Variants in FGFR2 observed in about 807,000 individuals in gnomAD.
FGFR2 encodes fibroblast growth factor receptor 2.
A neutral mutation model predicts 95.9 loss-of-function variants in FGFR2; 19 were observed. That is an observed-to-expected ratio of 0.20 (90% CI 0.14 to 0.29). FGFR2 has a LOEUF of 0.29. Ranked by LOEUF, FGFR2 falls within the 10% of genes least tolerant of loss-of-function variation. FGFR2 has a pLI of 1.00. For synonymous variants in FGFR2, 392 were observed against 393.3 expected (o/e 1.00, Z 0.04); for missense variants, 707 against 1,056.9 (o/e 0.67, Z 4.59).
intron 4 of FGFR2, among the ~76,000 whole-genome samples, chr10:121,560,250 C>T (rs1475164127): frequency 2.0e-5 from 3 of 152,126 alleles, no homozygotes; most frequent in African/African-American, 4.8e-5. Flanking sequence ...AACCAGCAGC[C>T]AGCACAGAGC....
chr10:121,543,884 C>T (rs1474215569), intron 5 of FGFR2, among the ~76,000 whole-genome samples: 2 of 152,166 alleles, frequency 1.3e-5, no homozygotes, highest in East Asian at 1.9e-4. Flanking sequence ...CTTAGAGGCC[C>T]GTTGCTTGTC....
chr10:121,480,293 T>C, intron 17 of FGFR2: 1 of 509,552 alleles, frequency 2.0e-6, no homozygotes, highest in Non-Finnish European at 3.6e-6. Context: ...GCTTTTCTCT[T>C]GGAATCCATC....
intron 15 of FGFR2, among the ~76,000 whole-genome samples, chr10:121,486,706 C>G (rs1200331112): frequency 1.3e-5 from 2 of 152,208 alleles, no homozygotes; most frequent in African/African-American, 4.8e-5. Context: ...TCCCAAAGTG[C>G]TGGGATTGAT....
intron 17 of FGFR2, among the ~76,000 whole-genome samples, chr10:121,483,080 A>G (rs1844967979): frequency 6.6e-6 from 1 of 152,230 alleles, no homozygotes; most frequent in African/African-American, 2.4e-5. Context: ...TACAGGCGAG[A>G]GCATAAATAT....
chr10:121,518,675 T>C lies in FGFR2; in HGVS notation c.940-1212A>G. On this transcript the variant is annotated intron_variant, in intron 7 of 17. Transcript: ENST00000358487. This position sits in a 1 kb window ranked among gnomAD's most constrained non-coding sequence, Gnocchi z 4.0. ...TTAAAAAAAGACAAAAATGAAAGCA[T>C]TGTTACCTTGCTGTTTTGGCAGGAC... The C allele has an allele frequency of 1.2e-5, 20 of 1,614,222 alleles. No individual in the cohort carries two copies. The highest frequency in any genetic ancestry group is 1.7e-5 in the Non-Finnish European group (20 of 1,180,026).
chr10:121,543,500 ACT>A (rs1256862098), intron 5 of FGFR2, among the ~76,000 whole-genome samples: 1 of 152,056 alleles, frequency 6.6e-6, no homozygotes. Context: ...ACAGAGTGAG[ACT>A]CTGTCTCAAA....
intron 6 of FGFR2, among the ~76,000 whole-genome samples, chr10:121,529,458 C>G (rs138530939): frequency 1.1e-3 from 168 of 152,290 alleles, no homozygotes; most frequent in African/African-American, 3.8e-3. Context: ...AGTTTCAGTC[C>G]AGAGTGTACA....
intron 6 of FGFR2, among the ~76,000 whole-genome samples, chr10:121,527,466 T>C (rs150856251): frequency 2.0e-5 from 3 of 152,322 alleles, no homozygotes; most frequent in African/African-American, 7.2e-5. Flanking sequence ...TTGGGGATGA[T>C]GGAAAAGTCC....
intron 6 of FGFR2, 75 bp downstream of exon 6, chr10:121,538,517 A>T (rs2134596467): frequency 6.3e-7 from 1 of 1,596,912 alleles, no homozygotes; most frequent in Non-Finnish European, 8.6e-7. Context: ...AACAGGACTT[A>T]ACGTTCATGC....
At chr10:121,554,626 C>G (rs1214093173) in intron 4 of FGFR2, among the ~76,000 whole-genome samples, 1 of 151,894 alleles carries the variant, frequency 6.6e-6, no homozygotes, top group African/African-American at 2.4e-5. Flanking sequence ...CTGCCTCAGC[C>G]TCCCAAAGTG....
chr10:121,595,800 C>T (rs1442703646), intron 1 of FGFR2, among the ~76,000 whole-genome samples: 1 of 152,210 alleles, frequency 6.6e-6, no homozygotes, highest in Non-Finnish European at 1.5e-5. Context: ...CTCCTTGGCT[C>T]CAGGCAGAGA....
chr10:121,532,322 T>A (rs575382442), intron 6 of FGFR2, among the ~76,000 whole-genome samples: 1 of 152,108 alleles, frequency 6.6e-6, no homozygotes, highest in Non-Finnish European at 1.5e-5. Flanking sequence ...ACGTGCAGAA[T>A]CATGTCATTT....
At chr10:121,564,816 T>C (rs41302303) in intron 3 of FGFR2, among the ~76,000 whole-genome samples, 63 of 152,324 alleles carry the variant, frequency 4.1e-4, no homozygotes, top group Admixed American at 2.5e-3. Flanking sequence ...AAACAGGCTA[T>C]AAAATTGGAT....
Position 121,518,924 on chromosome 10 carries a change from T to C in FGFR2, c.939+1055A>G, listed in dbSNP as rs1323312723. 4.1e-6 allele frequency: 6 copies of C among 1,454,896 alleles called. No individual in the cohort carries two copies. The highest frequency in any genetic ancestry group is 5.8e-6 in the Non-Finnish European group (6 of 1,039,970). 90.1% of individuals were successfully genotyped at this position (1,454,896 alleles called of 1,614,324 possible). ...ACCAACACACCGCAAGAAAACAAAC[T>C]CCATTACGTCTAAACAGCGGCATTA... On this transcript the variant is annotated intron_variant, in intron 7 of 17. Transcript: ENST00000358487. This position sits in a 1 kb window ranked among gnomAD's most constrained non-coding sequence, Gnocchi z 4.0.
chr10:121,551,531 T>C, intron 4 of FGFR2, 72 bp from the exon 5 acceptor site: 2 of 1,384,868 alleles, frequency 1.4e-6, no homozygotes, highest in South Asian at 2.4e-5. Flanking sequence ...TCCAAACAGG[T>C]AAGATCATTT....
chr10:121,555,278 CAGG>C (rs766836236), intron 4 of FGFR2, among the ~76,000 whole-genome samples: 52 of 152,226 alleles, frequency 3.4e-4, no homozygotes, highest in Admixed American at 3.3e-4. Context: ...GAGGGTGAGG[CAGG>C]AGAATTGCTT....
chr10:121,579,553 A>G (rs527725838), intron 2 of FGFR2, among the ~76,000 whole-genome samples: 11 of 152,336 alleles, frequency 7.2e-5, no homozygotes, highest in African/African-American at 2.2e-4. Context: ...CCCATGTATG[A>G]TGCCTGTTTA....
At chr10:121,520,314 G>T (rs1850352498) in intron 6 of FGFR2, 145 bp from the exon 7 acceptor site, 3 of 783,314 alleles carry the variant, frequency 3.8e-6, no homozygotes, top group Non-Finnish European at 5.9e-6. Context: ...TAACACTGTG[G>T]CCCCATGAAT....
chr10:121,586,367 A>T (rs1230887167), intron 2 of FGFR2, among the ~76,000 whole-genome samples: 1 of 152,224 alleles, frequency 6.6e-6, no homozygotes, highest in Non-Finnish European at 1.5e-5. Flanking sequence ...CACATTCAGC[A>T]TAACCTGAAA....
Sources: allele counts gnomAD v4.1 joint callset (sites outside exome capture counted in the v4.1 genomes callset), GRCh38; gene constraint gnomAD v4.1.1; non-coding constraint Gnocchi (gnomAD v3.1); transcripts MANE v1.5; gene names NCBI Gene and HGNC (gene_info 2026-07-23, HGNC 2026-07-21).